CIB1: variants seen among roughly 807,000 people sequenced by gnomAD.
CIB1 encodes the protein calcium and integrin-binding protein 1.
Under a neutral mutation model 25.0 loss-of-function variants are expected in CIB1, and 19 were observed. The observed-to-expected ratio is 0.76, with a 90% CI of 0.53 to 1.12. CIB1 has a LOEUF of 1.12. CIB1 is among the 50% of genes most tolerant of loss of function. The pLI is 0.00. For missense variants in CIB1, 236 were observed against 242.6 expected (o/e 0.97, Z 0.18); for synonymous variants, 104 against 98.5 (o/e 1.06, Z -0.33).
chr15:90,233,541 C>A, intron 2 of CIB1, 128 bp downstream of exon 2: 1 of 1,226,302 alleles, frequency 8.2e-7, no homozygotes, highest in Non-Finnish European at 1.2e-6. Context: ...CGGGCTAGGT[C>A]TCCCGGCCTC....
chr15:90,235,598 C>T (rs974502977), upstream of CIB1, among the ~76,000 whole-genome samples: 2 of 151,954 alleles, frequency 1.3e-5, no homozygotes, highest in East Asian at 1.9e-4. Context: ...GACAGAGTCT[C>T]GCTGTGTCGC....
At position 90,233,913 on chromosome 15, in the gene CIB1, A is replaced by G. The variant is rs1466419771; in HGVS notation, c.-28T>C. 2 of 1,449,902 alleles carry G rather than the reference A, an allele frequency of 1.4e-6. No homozygotes were observed. Among genetic ancestry groups the G allele is most frequent in the African/African-American group, 1.5e-5 (1 of 68,734 alleles). The allele number at this position is 1,449,902 out of a possible 1,614,324, so 89.8% of individuals were successfully genotyped here. The stretch of plus-strand genomic sequence containing the variant: ...CCCCGCCGCGCGCACAGCTCCGCCA[A>G]CTCGCCTCGAGACGCAGACAACTTT... On this transcript the variant is annotated 5_prime_UTR_variant, in exon 1 of 7. Coordinates refer to ENST00000328649, the MANE Select transcript of CIB1 (RefSeq NM_006384.4).
chr15:90,261,067 C>CT, the CIB1 span, among the ~76,000 whole-genome samples: 2 of 150,720 alleles, frequency 1.3e-5, no homozygotes, highest in Non-Finnish European at 1.5e-5. Context: ...CGTATATTAC[C>CT]TTTTTTTCTT....
At chr15:90,244,272 T>TG in the CIB1 span, 4 of 152,310 alleles carry the variant, frequency 2.6e-5, no homozygotes, top group African/African-American at 9.6e-5. Flanking sequence ...CCATCCCTCT[T>TG]GGGGTCTTTC....
At chr15:90,256,597 CTTTCTT>C in the CIB1 span, among the ~76,000 whole-genome samples, 9 of 35,250 alleles carry the variant, frequency 2.6e-4, no homozygotes, top group African/African-American at 8.6e-4. Flanking sequence ...TTCTTTCTTT[CTTTCTT>C]TCTTTCCTTC....
chr15:90,265,249 G>T, the CIB1 span: 1 of 1,293,842 alleles, frequency 7.7e-7, no homozygotes, highest in South Asian at 1.7e-5. Context: ...TAGGTGATGG[G>T]TCTGAACCCT....
the CIB1 span, chr15:90,244,759 CAGT>C: frequency 6.6e-6 from 1 of 152,270 alleles, no homozygotes; most frequent in Non-Finnish European, 1.5e-5. Context: ...GCGGAGGTTG[CAGT>C]GAGCTGAGAT....
the CIB1 span, chr15:90,262,010 G>C: frequency 1.3e-6 from 2 of 1,532,258 alleles, no homozygotes; most frequent in Non-Finnish European, 1.7e-6. Flanking sequence ...CCACAGGAAA[G>C]AAAAAACTGA....
At chr15:90,245,070 G>C in the CIB1 span, 1 of 152,224 alleles carries the variant, frequency 6.6e-6, no homozygotes, top group Non-Finnish European at 1.5e-5. Flanking sequence ...CCTATACCTA[G>C]GCCTGTATAA....
At chr15:90,259,139 G>A in the CIB1 span, 1 of 1,149,902 alleles carries the variant, frequency 8.7e-7, no homozygotes, top group Admixed American at 2.9e-5. Flanking sequence ...GAGGCAGGAG[G>A]ATTGCTTGAG....
intron 6 of CIB1, 142 bp downstream of exon 6, chr15:90,230,792 G>T: frequency 1.2e-6 from 1 of 814,152 alleles, no homozygotes; most frequent in Non-Finnish European, 2.1e-6. Flanking sequence ...CCCGGGGCGA[G>T]ACTGCCAGCT....
At chr15:90,263,310 T>C in the CIB1 span, 2 of 615,834 alleles carry the variant, frequency 3.2e-6, no homozygotes, top group Non-Finnish European at 5.5e-6. Context: ...TGTTGATTCC[T>C]TTTGCGTCTG....
the CIB1 span, chr15:90,257,098 A>C: frequency 6.9e-6 from 11 of 1,593,670 alleles, no homozygotes; most frequent in Middle Eastern, 1.7e-4. Context: ...TAGGCACTTC[A>C]AAAGTGTTAT....
chr15:90,238,200 T>C (rs149356850), upstream of CIB1, among the ~76,000 whole-genome samples: 1,201 of 152,290 alleles, frequency 7.9e-3, 21 homozygotes, highest in African/African-American at 0.027. Flanking sequence ...CTCAGGAGGC[T>C]GAGGCATGAA....
intron 3 of CIB1, among the ~76,000 whole-genome samples, chr15:90,231,866 C>T (rs1273432691): frequency 2.0e-5 from 3 of 152,222 alleles, no homozygotes; most frequent in South Asian, 2.1e-4. Context: ...TTACAGGCAC[C>T]GGGCCAGGCC....
chr15:90,254,857 A>T, the CIB1 span, among the ~76,000 whole-genome samples: 8 of 142,704 alleles, frequency 5.6e-5, no homozygotes, highest in South Asian at 1.5e-3. Context: ...GGGAAGGGGG[A>T]AAAAAAAAGG....
the CIB1 span, chr15:90,264,853 C>T: frequency 6.5e-7 from 1 of 1,536,102 alleles, no homozygotes; most frequent in African/African-American, 1.4e-5. Context: ...CTGAATGCAC[C>T]TTGCCCTCCA....
the CIB1 span, chr15:90,253,170 C>A: frequency 8.3e-6 from 10 of 1,209,982 alleles, no homozygotes; most frequent in African/African-American, 1.5e-4. Context: ...AGGTGTATAC[C>A]TTACCTGACC....
At position 90,230,375 on chromosome 15, in the gene CIB1, C is replaced by G; in HGVS notation, c.*109G>C. ...GGGTGAGGCTGCACAGCGCCAGCTC[C>G]AGGCTGGGCCAGCTTGGCCCGCACT... On this transcript the variant is annotated 3_prime_UTR_variant, in exon 7 of 7. Coordinates refer to ENST00000328649, the MANE Select transcript of CIB1 (RefSeq NM_006384.4). The G allele has an allele frequency of 7.3e-7, 1 of 1,364,380 alleles. No homozygotes were observed. Among genetic ancestry groups the G allele is most frequent in the African/African-American group, 1.4e-5 (1 of 69,124 alleles). 84.5% of individuals were successfully genotyped at this position (1,364,380 alleles called of 1,614,324 possible).
Sources: allele counts gnomAD v4.1 joint callset (sites outside exome capture counted in the v4.1 genomes callset), GRCh38; gene constraint gnomAD v4.1.1; transcripts MANE v1.5; gene names NCBI Gene and HGNC (gene_info 2026-07-23, HGNC 2026-07-21).